The following P4HA2 variants were observed in gnomAD, a reference collection of about 807,000 sequenced individuals.
P4HA2 encodes prolyl 4-hydroxylase subunit alpha-2.
A neutral mutation model predicts 76.9 loss-of-function variants in P4HA2; 46 were observed. The observed-to-expected ratio is 0.60, with a 90% CI of 0.47 to 0.76. P4HA2 has a LOEUF of 0.76. Among genes scored for constraint, P4HA2 ranks in the 30% least tolerant of loss-of-function variants. The pLI, the probability that P4HA2 is intolerant of heterozygous loss-of-function variation, is 0.00. For synonymous variants in P4HA2, 243 were observed against 254.0 expected (o/e 0.96, Z 0.41); for missense variants, 583 against 669.4 (o/e 0.87, Z 1.42).
rs565381712 is a variant in P4HA2 at position 132,192,326 on chromosome 5, A to G, written c.*684T>C. On this transcript the variant is annotated 3_prime_UTR_variant, in exon 15 of 15. Transcript: ENST00000360568. ...GTGTATCATGAACAATTCTTATCTC[A>G]AAATTTAAAAATGAAGTACACATTA... is the stretch of plus-strand genomic sequence containing the variant. The G allele has an allele frequency of 6.6e-6, 1 of 152,316 alleles. No homozygotes were observed. The highest frequency in any genetic ancestry group is 2.4e-5 in the African/African-American group (1 of 41,572). The allele number at this position is 152,316 out of a possible 1,614,324, so 9.4% of individuals were successfully genotyped here.
At chr5:132,204,360 C>T (rs159903) in intron 8 of P4HA2, among the ~76,000 whole-genome samples, 29,856 of 152,116 alleles carry the variant, frequency 0.2, 2,971 homozygotes, top group East Asian at 0.3. Flanking sequence ...GCAATCAGTT[C>T]CTGGCTATTG....
At chr5:132,205,011 C>T (rs1248836528) in intron 8 of P4HA2, among the ~76,000 whole-genome samples, 1 of 152,232 alleles carries the variant, frequency 6.6e-6, no homozygotes, top group African/African-American at 2.4e-5. Flanking sequence ...GTACTCCCAC[C>T]CCAACACACT....
rs759343703 is a variant in P4HA2, at chr5:132,217,380, C to T, written c.180-32G>A. The T allele has an allele frequency of 2.0e-5, 33 of 1,610,194 alleles. No homozygotes were observed. In the South Asian group the frequency reaches 2.8e-4, roughly 13 times the overall value. ...AACCAGAGGAAAAGGAAGACTAATG[C>T]GTCCACCCACATAGGTCTTGACCTG... On this transcript the variant is annotated intron_variant, in intron 3 of 14. Coordinates refer to ENST00000360568, the MANE Select transcript of P4HA2 (RefSeq NM_001017974.2).
In P4HA2 at chr5:132,204,169, G is replaced by A; in HGVS notation, c.1081-17C>T. 1.9e-6 allele frequency: 3 copies of A among 1,594,440 alleles called. No individual in the cohort carries two copies. Among genetic ancestry groups the A allele is most frequent in the Non-Finnish European group, 2.6e-6 (3 of 1,161,838 alleles). On this transcript the variant is annotated splice_polypyrimidine_tract_variant and intron_variant, in intron 8 of 14. Coordinates refer to ENST00000360568, the MANE Select transcript of P4HA2 (RefSeq NM_001017974.2). ...TCGTGCAAGCTAGAAGGAAGGAGGA[G>A]AGGGAAGACTTGATTTGTTTGTTTG...
chr5:132,215,130 C>A (rs551205432), intron 4 of P4HA2, among the ~76,000 whole-genome samples: 7 of 152,314 alleles, frequency 4.6e-5, no homozygotes, highest in African/African-American at 9.6e-5. Flanking sequence ...GAAGCTGTAA[C>A]CCTGCCTTCC....
intron 4 of P4HA2, 36 bp downstream of exon 4, chr5:132,217,161 A>T (rs752217864): frequency 1.3e-6 from 2 of 1,599,992 alleles, no homozygotes; most frequent in Non-Finnish European, 1.7e-6. Flanking sequence ...ACACAAACAT[A>T]TGGGCTCACT....
chr5:132,222,686 T>TGTGAAAAAATATTCTCC (rs1480253770), intron 1 of P4HA2, among the ~76,000 whole-genome samples: 1 of 152,234 alleles, frequency 6.6e-6, no homozygotes, highest in East Asian at 1.9e-4. Context: ...AACTACTTTA[T>TGTGAAAAAATATTCTCC]GTGAAAAAAT....
intron 1 of P4HA2, among the ~76,000 whole-genome samples, chr5:132,221,894 C>T (rs1028333024): frequency 2.6e-5 from 4 of 152,224 alleles, no homozygotes; most frequent in Middle Eastern, 3.2e-3. Flanking sequence ...AGGCGACTGG[C>T]ACTGTTTCTA....
At chr5:132,218,407 C>T (rs1469990693) in intron 2 of P4HA2, 138 bp downstream of exon 2, 1 of 572,768 alleles carries the variant, frequency 1.7e-6, no homozygotes, top group Non-Finnish European at 3.1e-6. Flanking sequence ...AGCAACTCTG[C>T]CAGTTCCACT....
chr5:132,197,612 A>G (rs1426108380), intron 12 of P4HA2, among the ~76,000 whole-genome samples: 1 of 148,856 alleles, frequency 6.7e-6, no homozygotes, highest in Non-Finnish European at 1.5e-5. Context: ...CATCTCCAAA[A>G]AAAAAAAAAA....
chr5:132,197,187 C>A (rs1181309486), intron 12 of P4HA2, among the ~76,000 whole-genome samples: 1 of 152,140 alleles, frequency 6.6e-6, no homozygotes, highest in Non-Finnish European at 1.5e-5. Context: ...GGCCATTAAG[C>A]CTTGGAGAAC....
In P4HA2 at chr5:132,193,024, T is replaced by C. The variant is rs1419409775; in HGVS notation, c.1588A>G (p.Thr530Ala). The C allele has an allele frequency of 3.1e-6, 5 of 1,610,552 alleles. No homozygotes were observed. Among genetic ancestry groups the C allele is most frequent in the South Asian group, 2.2e-5 (2 of 90,988 alleles). ...GQEFLRPCGS[T>A]EVD Reference sequence around the variant, plus strand: ...AGAAAAGGATGTCAGTCAACTTCTGTTGATCCACAAGGTCTCAAGAACTCC... The same window carrying C: ...AGAAAAGGATGTCAGTCAACTTCTGCTGATCCACAAGGTCTCAAGAACTCC... The change falls in exon 15 of 15, where the codon ACA becomes GCA. Residue 530 changes from threonine to alanine, a missense_variant. By Grantham distance (58) the Thr-to-Ala change is moderately conservative. Coordinates refer to ENST00000360568, the MANE Select transcript of P4HA2 (RefSeq NM_001017974.2).
intron 1 of P4HA2, chr5:132,227,494 G>A (rs1755560762): frequency 6.6e-6 from 1 of 151,998 alleles, no homozygotes; most frequent in African/African-American, 2.4e-5. Flanking sequence ...CAAGTTCCCA[G>A]CCCCGCCCGA....
chr5:132,225,213 C>T (rs1435771906), intron 1 of P4HA2, among the ~76,000 whole-genome samples: 3 of 152,180 alleles, frequency 2.0e-5, no homozygotes, highest in South Asian at 2.1e-4. Flanking sequence ...GCAACTTTCC[C>T]GAAGTTTAAC....
chr5:132,206,086 T>C (rs746900843), intron 8 of P4HA2, among the ~76,000 whole-genome samples: 6 of 152,118 alleles, frequency 3.9e-5, no homozygotes, highest in Non-Finnish European at 7.4e-5. Context: ...TTGCCAACCT[T>C]GTTTGGCTCT....
intron 12 of P4HA2, chr5:132,195,730 G>A (rs1018497589): frequency 9.0e-6 from 5 of 556,482 alleles, no homozygotes; most frequent in South Asian, 4.2e-5. Flanking sequence ...ACCCACATCC[G>A]GGCTGTCCCT....
At chr5:132,226,108 C>T (rs1475311660) in intron 1 of P4HA2, among the ~76,000 whole-genome samples, 1 of 152,178 alleles carries the variant, frequency 6.6e-6, no homozygotes, top group Non-Finnish European at 1.5e-5. Context: ...CCTTGGACAC[C>T]TCAGGGGCAG....
chr5:132,224,060 A>G (rs1755014635), intron 1 of P4HA2, among the ~76,000 whole-genome samples: 1 of 152,220 alleles, frequency 6.6e-6, no homozygotes, highest in African/African-American at 2.4e-5. Flanking sequence ...ATCTCACCAG[A>G]GGGAGGAACG....
At position 132,218,591 on chromosome 5, in the gene P4HA2, C is replaced by T. The variant is rs750893103; in HGVS notation, c.36G>A (p.Trp12Ter). 6.2e-7 allele frequency: 1 copy of T among 1,614,032 alleles called. No homozygotes were observed. Among genetic ancestry groups the T allele is most frequent in the Non-Finnish European group, 8.5e-7 (1 of 1,179,910 alleles). Reference sequence around the variant, plus strand: ...CCTGCACACAGCTCAGGACACCAAACCAGGCCATCAGCAATGCAGACACCC... The same window carrying T: ...CCTGCACACAGCTCAGGACACCAAATCAGGCCATCAGCAATGCAGACACCC... ...KLWVSALLMA[W>*]FGVLSCVQAE... Residue 12 changes from tryptophan to a stop codon, truncating the protein, a stop_gained, in exon 2 of 15, where the codon TGG becomes TGA. Transcript: ENST00000360568. LOFTEE classifies it high-confidence loss of function.
Sources: allele counts gnomAD v4.1 joint callset (sites outside exome capture counted in the v4.1 genomes callset), GRCh38; gene constraint gnomAD v4.1.1; transcripts MANE v1.5; gene names NCBI Gene and HGNC (gene_info 2026-07-23, HGNC 2026-07-21).